TDRD7: variants seen among roughly 807,000 people sequenced by gnomAD.
TDRD7 encodes tudor domain-containing protein 7.
Under a neutral mutation model 109.8 loss-of-function variants are expected in TDRD7, and 47 were observed. That is an observed-to-expected ratio of 0.43 (90% CI 0.34 to 0.55). The LOEUF is 0.55. Among genes scored for constraint, TDRD7 ranks in the 20% least tolerant of loss-of-function variants. The pLI, the probability that TDRD7 is intolerant of heterozygous loss-of-function variation, is 0.03. For missense variants in TDRD7, 1,164 were observed against 1,319.2 expected (o/e 0.88, Z 1.82); for synonymous variants, 424 against 457.3 (o/e 0.93, Z 0.93).
chr9:97,424,992 C>G (rs1316639548), intron 1 of TDRD7, among the ~76,000 whole-genome samples: 1 of 152,012 alleles, frequency 6.6e-6, no homozygotes, highest in African/African-American at 2.4e-5. Flanking sequence ...CAATATCCCT[C>G]TTTATCATAG....
chr9:97,450,906 CTT>C (rs760367112), intron 6 of TDRD7, among the ~76,000 whole-genome samples: 14 of 141,536 alleles, frequency 9.9e-5, no homozygotes, highest in East Asian at 2.0e-4. Flanking sequence ...AGTTAGGTCT[CTT>C]TTTTTTTTTT....
intron 6 of TDRD7, among the ~76,000 whole-genome samples, chr9:97,446,146 A>C (rs771213091): frequency 1.1e-4 from 17 of 152,172 alleles, no homozygotes; most frequent in Non-Finnish European, 2.2e-4. Flanking sequence ...AAATCCTGCA[A>C]CAATGACTGC....
At chr9:97,485,634 T>A (rs949248283) in intron 15 of TDRD7, among the ~76,000 whole-genome samples, 1 of 152,240 alleles carries the variant, frequency 6.6e-6, no homozygotes, top group African/African-American at 2.4e-5. Flanking sequence ...GATCTGAAGT[T>A]CTTATTTATA....
At position 97,439,382 on chromosome 9, in the gene TDRD7, G is replaced by A. The variant is rs3214070; in HGVS notation, c.637+64G>A. 149,892 of 1,379,402 alleles carry A rather than the reference G, an allele frequency of 0.11. 9,331 individuals carry two copies. Among genetic ancestry groups the A allele is most frequent in the Middle Eastern group, 0.13 (750 of 5,602 alleles). The allele number at this position is 1,379,402 out of a possible 1,614,324, so 85.4% of individuals were successfully genotyped here. A position where few individuals can be genotyped will look rare whatever the true frequency, so the allele number is the denominator to read the frequency against. Reference sequence around the variant, plus strand: ...CCGGAGTCAAGAAACATATCTGGTGGTGGCTTTTGACATTTGCTCTCACCT... The same window carrying A: ...CCGGAGTCAAGAAACATATCTGGTGATGGCTTTTGACATTTGCTCTCACCT... On this transcript the variant is annotated intron_variant, in intron 5 of 16. Transcript: ENST00000355295.
chr9:97,448,040 G>C (rs1828430384), intron 6 of TDRD7, among the ~76,000 whole-genome samples: 3 of 152,190 alleles, frequency 2.0e-5, no homozygotes, highest in Admixed American at 2.0e-4. Context: ...ACTCATCTAA[G>C]ATGGCAGAGA....
At chr9:97,442,623 C>T (rs760356456) in intron 6 of TDRD7, among the ~76,000 whole-genome samples, 1 of 152,138 alleles carries the variant, frequency 6.6e-6, no homozygotes, top group African/African-American at 2.4e-5. Flanking sequence ...TAAATGGTCA[C>T]ATTAACAGCT....
At chr9:97,440,051 T>G (rs1828274925) in intron 5 of TDRD7, among the ~76,000 whole-genome samples, 1 of 151,226 alleles carries the variant, frequency 6.6e-6, no homozygotes, top group Non-Finnish European at 1.5e-5. Flanking sequence ...AATGCTTTTT[T>G]TTTTATAAGA....
At chr9:97,431,183 A>G in intron 3 of TDRD7, 109 bp downstream of exon 3, 1 of 1,498,996 alleles carries the variant, frequency 6.7e-7, no homozygotes, top group Non-Finnish European at 9.2e-7. Flanking sequence ...ATCTGTTAAC[A>G]TACATATGTC....
chr9:97,446,045 T>C (rs1037990902), intron 6 of TDRD7, among the ~76,000 whole-genome samples: 25 of 152,052 alleles, frequency 1.6e-4, no homozygotes, highest in African/African-American at 5.6e-4. Context: ...GGTGGGAGGA[T>C]TGCTTGATCC....
intron 16 of TDRD7, among the ~76,000 whole-genome samples, chr9:97,495,028 C>A (rs2131191620): frequency 6.6e-6 from 1 of 152,106 alleles, no homozygotes. Context: ...ACTTTCTTGT[C>A]CCAGTTTTGT....
intron 6 of TDRD7, among the ~76,000 whole-genome samples, chr9:97,445,223 A>C (rs1381809134): frequency 2.6e-5 from 4 of 152,238 alleles, no homozygotes; most frequent in Non-Finnish European, 5.9e-5. Context: ...GGAGTACAGC[A>C]ACACCTCTTG....
At chr9:97,415,795 G>T (rs1465878888) in intron 1 of TDRD7, among the ~76,000 whole-genome samples, 1 of 152,154 alleles carries the variant, frequency 6.6e-6, no homozygotes, top group African/African-American at 2.4e-5. Context: ...TTTCTTTTAT[G>T]CTTCTAATGG....
intron 1 of TDRD7, among the ~76,000 whole-genome samples, chr9:97,422,492 A>G (rs1452677513): frequency 6.6e-6 from 1 of 152,194 alleles, no homozygotes; most frequent in East Asian, 1.9e-4. Context: ...ATATTATACT[A>G]TTTTGACTAA....
intron 1 of TDRD7, among the ~76,000 whole-genome samples, chr9:97,416,936 A>G (rs1827821584): frequency 6.6e-6 from 1 of 152,146 alleles, no homozygotes; most frequent in Non-Finnish European, 1.5e-5. Flanking sequence ...AGATAAAACC[A>G]TTAAATGGAG....
At chr9:97,463,163 C>A (rs1478317048) in intron 7 of TDRD7, among the ~76,000 whole-genome samples, 3 of 152,170 alleles carry the variant, frequency 2.0e-5, no homozygotes, top group Non-Finnish European at 4.4e-5. Context: ...CACATCCTCC[C>A]AACTACTCAG....
chr9:97,476,384 TA>T lies in TDRD7; in HGVS notation c.2166+920del, dbSNP rs148179953. On this transcript the variant is annotated intron_variant, in intron 12 of 16. Coordinates refer to ENST00000355295, the MANE Select transcript of TDRD7 (RefSeq NM_014290.3). ...TTTATCTTGCGTTTCTATATGTTTTTAAAAAGGCAAGTTTTGGATTTTTGTG... is the reference window on the plus strand; with the variant it reads ...TTTATCTTGCGTTTCTATATGTTTTTAAAAGGCAAGTTTTGGATTTTTGTG... Among the ~76,000 whole-genome samples the T allele has an allele frequency of 3.0e-3, 452 of 152,208 alleles. 4 individuals carry two copies. Among genetic ancestry groups the T allele is most frequent in the African/African-American group, 0.01 (425 of 41,532 alleles).
At position 97,460,204 on chromosome 9, in the gene TDRD7, A is replaced by C; in HGVS notation, c.882A>C (p.Gln294His). ...CTVEKPCSGG[Q>H]DLLLYPAKRK... is the part of the protein sequence containing the mutation. ...TGGAGAAACCTTGCAGTGGTGGCCA[A>C]GATTTACTTCTTTATCCAGCTAAGA... The change falls in exon 7 of 17, where the codon CAA becomes CAC. Residue 294 changes from glutamine (Q) to histidine (H), a missense_variant. Physicochemically the swap from Gln to His is conservative, Grantham distance 24. Coordinates refer to ENST00000355295, the MANE Select transcript of TDRD7 (RefSeq NM_014290.3). 1 of 1,614,230 alleles carries C rather than the reference A, an allele frequency of 6.2e-7. No individual in the cohort carries two copies. The highest frequency in any genetic ancestry group is 8.5e-7 in the Non-Finnish European group (1 of 1,180,034).
intron 5 of TDRD7, 35 bp downstream of exon 5, chr9:97,439,353 G>T (rs1321691564): frequency 1.3e-6 from 2 of 1,556,112 alleles, no homozygotes; most frequent in East Asian, 4.5e-5. Context: ...ATACATATTG[G>T]CTTCCGGAGT....
At chr9:97,463,943 C>T (rs978052290) in intron 7 of TDRD7, among the ~76,000 whole-genome samples, 1 of 152,134 alleles carries the variant, frequency 6.6e-6, no homozygotes, top group Non-Finnish European at 1.5e-5. Context: ...TGTTCAAATT[C>T]TTTAATAAGT....
Sources: allele counts gnomAD v4.1 joint callset (sites outside exome capture counted in the v4.1 genomes callset), GRCh38; gene constraint gnomAD v4.1.1; transcripts MANE v1.5; gene names NCBI Gene and HGNC (gene_info 2026-07-23, HGNC 2026-07-21).